CEP164: variants seen among roughly 807,000 people sequenced by gnomAD.
CEP164 encodes centrosomal protein of 164 kDa.
A neutral mutation model predicts 182.7 loss-of-function variants in CEP164; 162 were observed. The observed-to-expected ratio is 0.89, with a 90% CI of 0.78 to 1.01. The LOEUF (loss-of-function observed/expected upper bound fraction) is 1.01, where lower values mean the gene tolerates loss of function less well. CEP164 is among the 50% of genes least tolerant of loss of function. The pLI is 0.00. For missense variants in CEP164, 1,735 were observed against 1,790.4 expected (o/e 0.97, Z 0.56); for synonymous variants, 661 against 690.0 (o/e 0.96, Z 0.66).
chr11:117,358,275 A>G (rs1461060001), intron 5 of CEP164, among the ~76,000 whole-genome samples: 1 of 152,178 alleles, frequency 6.6e-6, no homozygotes, highest in Non-Finnish European at 1.5e-5. Flanking sequence ...GGAGCCAGGA[A>G]TGTATAATTT....
chr11:117,377,279 C>T (rs1005524370), intron 11 of CEP164, among the ~76,000 whole-genome samples: 3 of 152,174 alleles, frequency 2.0e-5, no homozygotes, highest in East Asian at 1.9e-4. Flanking sequence ...GGTTCATGCT[C>T]CTGTCAGAAC....
intron 1 of CEP164, among the ~76,000 whole-genome samples, chr11:117,334,426 G>C (rs2036712507): frequency 6.6e-6 from 1 of 152,180 alleles, no homozygotes; most frequent in African/African-American, 2.4e-5. Flanking sequence ...TTTTCTGGCA[G>C]AACATTTATT....
At chr11:117,353,905 G>C (rs1264141340) in intron 5 of CEP164, among the ~76,000 whole-genome samples, 1 of 152,188 alleles carries the variant, frequency 6.6e-6, no homozygotes, top group Non-Finnish European at 1.5e-5. Flanking sequence ...ATGCTAGACT[G>C]AGTTTTCAAG....
At chr11:117,328,407 A>G (rs986481641) in intron 1 of CEP164, among the ~76,000 whole-genome samples, 1 of 152,178 alleles carries the variant, frequency 6.6e-6, no homozygotes, top group African/African-American at 2.4e-5. Context: ...AAAGTTGGAA[A>G]GCTTTTTTGT....
chr11:117,392,967 G>A (rs374422037), intron 19 of CEP164, 37 bp from the exon 20 acceptor site: 19 of 1,610,336 alleles, frequency 1.2e-5, no homozygotes, highest in East Asian at 4.5e-5. Context: ...GGTCCGCCTC[G>A]GTTCTTCATG....
intron 5 of CEP164, among the ~76,000 whole-genome samples, chr11:117,354,022 C>CTTCTTT (rs1555101071): frequency 7.7e-5 from 11 of 142,164 alleles, no homozygotes; most frequent in African/African-American, 2.9e-4. Context: ...TCTTCTTCTT[C>CTTCTTT]TTTTTTTTTT....
intron 1 of CEP164, among the ~76,000 whole-genome samples, chr11:117,335,089 C>T (rs182652513): frequency 3.9e-5 from 6 of 152,260 alleles, no homozygotes; most frequent in African/African-American, 7.2e-5. Context: ...ATTCAGGTGA[C>T]TCTGTAAGCC....
intron 27 of CEP164, among the ~76,000 whole-genome samples, chr11:117,398,491 C>A (rs570114317): frequency 3.3e-5 from 5 of 152,350 alleles, no homozygotes; most frequent in Admixed American, 3.3e-4. Flanking sequence ...TCTGACCCCA[C>A]ATGTCCCTTC....
At chr11:117,392,968 G>A (rs2044879688) in intron 19 of CEP164, 36 bp from the exon 20 acceptor site, 1 of 1,610,816 alleles carries the variant, frequency 6.2e-7, no homozygotes, top group Middle Eastern at 1.8e-4. Flanking sequence ...GTCCGCCTCG[G>A]TTCTTCATGC....
At chr11:117,337,914 C>T (rs1405481379) in intron 2 of CEP164, among the ~76,000 whole-genome samples, 1 of 152,198 alleles carries the variant, frequency 6.6e-6, no homozygotes, top group Non-Finnish European at 1.5e-5. Context: ...TATCCCCACT[C>T]TGGAACACCT....
intron 13 of CEP164, among the ~76,000 whole-genome samples, chr11:117,382,072 T>A (rs367884383): frequency 6.6e-6 from 1 of 152,112 alleles, no homozygotes; most frequent in Non-Finnish European, 1.5e-5. Context: ...TGAGGAAATG[T>A]GCCTCTTCCT....
At chr11:117,379,852 C>CTTTTTTTTTTTTTTT (rs58534321) in intron 11 of CEP164, among the ~76,000 whole-genome samples, 1 of 116,914 alleles carries the variant, frequency 8.6e-6, no homozygotes, top group Non-Finnish European at 1.7e-5. Flanking sequence ...ATAGTTCTTC[C>CTTTTTTTTTTTTTTT]TTTTTTTTTT....
Position 117,351,970 on chromosome 11 carries a change from C to T in CEP164, c.375C>T (p.Asp125=). 2.5e-6 allele frequency: 4 copies of T among 1,588,498 alleles called. No homozygotes were observed. Among genetic ancestry groups the T allele is most frequent in the Admixed American group, 1.8e-5 (1 of 54,886 alleles). The part of the protein sequence containing the change: ...KKEKKDKKDR[D]PPKSSLALGS... ...AAAAGAAAGACAAGAAGGACAGAGA[C>T]CCCCCCAAAAGTTCGCTGGTGAGTC... Residue 125 remains aspartate (D), a synonymous_variant, in exon 5 of 33, where the codon GAC becomes GAT. Transcript: ENST00000278935.
At chr11:117,344,133 C>G (rs779079455) in intron 3 of CEP164, 33 bp from the exon 4 acceptor site, 4 of 1,317,436 alleles carry the variant, frequency 3.0e-6, no homozygotes, top group Non-Finnish European at 4.3e-6. Context: ...CTTTTCATCT[C>G]TCTTACTTTC....
At chr11:117,344,957 AC>A (rs2135271605) in intron 4 of CEP164, among the ~76,000 whole-genome samples, 1 of 152,096 alleles carries the variant, frequency 6.6e-6, no homozygotes, top group Admixed American at 6.5e-5. Context: ...AATAAATAAA[AC>A]TACTACTTAA....
At chr11:117,342,412 C>A (rs187787406) in intron 3 of CEP164, among the ~76,000 whole-genome samples, 7 of 152,222 alleles carry the variant, frequency 4.6e-5, no homozygotes, top group Non-Finnish European at 8.8e-5. Context: ...TTTATTTAAT[C>A]ATTTCTGGGG....
Position 117,344,360 on chromosome 11 carries a change from C to T in CEP164, c.194+83C>T. On this transcript the variant is annotated intron_variant, in intron 4 of 32. Transcript: ENST00000278935. ...ATACTGGAGATCGGTTTGAACTGGC[C>T]AGCTTTTCCAAGCCTATCCTGTACA... is the stretch of plus-strand genomic sequence containing the variant. The T allele has an allele frequency of 3.3e-6, 3 of 897,658 alleles. 1 individual carries two copies. Among genetic ancestry groups the T allele is most frequent in the South Asian group, 3.1e-5 (2 of 65,272 alleles). 55.6% of individuals were successfully genotyped at this position (897,658 alleles called of 1,614,324 possible). A position where few individuals can be genotyped will look rare whatever the true frequency, so the allele number is the denominator to read the frequency against.
At position 117,413,097 on chromosome 11, in the gene CEP164, C is replaced by T. The variant is rs891405233; in HGVS notation, c.*929C>T. On this transcript the variant is annotated 3_prime_UTR_variant, in exon 33 of 33. Coordinates refer to ENST00000278935, the MANE Select transcript of CEP164 (RefSeq NM_014956.5). ...CAAGGAGCTAGGCCGGTGCCCGGCC[C>T]TGGCAGCAAGGGGTCTTTGTGCAGT... 1 of 152,280 alleles carries T rather than the reference C, an allele frequency of 6.6e-6. No homozygotes were observed. The highest frequency in any genetic ancestry group is 1.5e-5 in the Non-Finnish European group (1 of 68,062). The allele number at this position is 152,280 out of a possible 1,614,324, so 9.4% of individuals were successfully genotyped here.
chr11:117,335,033 G>A (rs764798879), intron 1 of CEP164, among the ~76,000 whole-genome samples: 19 of 152,126 alleles, frequency 1.2e-4, no homozygotes, highest in Non-Finnish European at 1.2e-4. Context: ...CTCCCTGCCC[G>A]TGGATCCTTT....
Sources: allele counts gnomAD v4.1 joint callset (sites outside exome capture counted in the v4.1 genomes callset), GRCh38; gene constraint gnomAD v4.1.1; transcripts MANE v1.5; gene names NCBI Gene and HGNC (gene_info 2026-07-23, HGNC 2026-07-21).